PHLPP2: variants seen among roughly 807,000 people sequenced by gnomAD.
PHLPP2 encodes the protein PH domain and leucine rich repeat protein phosphatase 2, also known as PH domain leucine-rich repeat-containing protein phosphatase 2.
Under a neutral mutation model 124.9 loss-of-function variants are expected in PHLPP2, and 66 were observed. That is an observed-to-expected ratio of 0.53 (90% CI 0.43 to 0.65). PHLPP2 has a LOEUF of 0.65. Among genes scored for constraint, PHLPP2 ranks in the 30% least tolerant of loss-of-function variants. The probability of loss-of-function intolerance (pLI) is 0.00; values close to 1 mark genes in which losing one functional copy is unlikely to be tolerated. For synonymous variants in PHLPP2, 681 were observed against 624.7 expected (o/e 1.09, Z -1.34); for missense variants, 1,685 against 1,600.4 (o/e 1.05, Z -0.90).
intron 16 of PHLPP2, among the ~76,000 whole-genome samples, chr16:71,655,677 G>C (rs949758463): frequency 6.6e-6 from 1 of 151,782 alleles, no homozygotes; most frequent in African/African-American, 2.4e-5. Flanking sequence ...TAATTTTTTT[G>C]TATTTTTAGT....
chr16:71,698,788 T>C, intron 3 of PHLPP2: 1 of 241,602 alleles, frequency 4.1e-6, no homozygotes, highest in Non-Finnish European at 8.4e-6. Context: ...ACAGCTTTTA[T>C]ATCATGAATT....
chr16:71,651,666 G>T (rs1410139282), intron 18 of PHLPP2, among the ~76,000 whole-genome samples: 1 of 152,098 alleles, frequency 6.6e-6, no homozygotes, highest in Non-Finnish European at 1.5e-5. Context: ...ACATAAAAAT[G>T]ATGGTTTTTG....
At position 71,689,530 on chromosome 16, in the gene PHLPP2, T is replaced by C. The variant is rs182641347; in HGVS notation, c.609+989A>G. Reference sequence around the variant, plus strand: ...GCCTCAGCCTCCCAAGTAACTGGGATTACAGGCACCCACCACCATGCCCAG... The same window carrying C: ...GCCTCAGCCTCCCAAGTAACTGGGACTACAGGCACCCACCACCATGCCCAG... On this transcript the variant is annotated intron_variant, in intron 4 of 18. Transcript: ENST00000568954. Among the ~76,000 whole-genome samples, 55 of 151,928 alleles carry C rather than the reference T, an allele frequency of 3.6e-4. No homozygotes were observed. In the Middle Eastern group the frequency reaches 0.031, roughly 85 times the overall value.
rs1313873769 is a variant in PHLPP2, at chr16:71,697,213, A to AT, written c.418+5384_418+5385insA. Among the ~76,000 whole-genome samples, 14 of 20,346 alleles carry AT rather than the reference A, an allele frequency of 6.9e-4. No individual in the cohort carries two copies. The Admixed American group carries it at 7.8e-3, about 11-fold the overall frequency. 13.3% of individuals were successfully genotyped at this position (20,346 alleles called of 152,430 possible). A position where few individuals can be genotyped will look rare whatever the true frequency, so the allele number is the denominator to read the frequency against. ...AAATAAATAAATAAATAAATAAATA[A>AT]ATAAAAAGAAACTCAGGGTCTGCAA... is the stretch of plus-strand genomic sequence containing the variant. On this transcript the variant is annotated intron_variant, in intron 3 of 18. Transcript: ENST00000568954.
rs560959321 is a variant in PHLPP2, at chr16:71,662,118, G to A, written c.1985+1781C>T. Among the ~76,000 whole-genome samples the A allele has an allele frequency of 7.9e-4, 119 of 151,068 alleles. 1 individual carries two copies. The highest frequency in any genetic ancestry group is 2.7e-3 in the African/African-American group (113 of 41,238). Reference sequence around the variant, plus strand: ...ATTACAGGCATGAGCGGCCACGCCCGGCCTCTACAAGTAAAAGGTTAGTCG... The same window carrying A: ...ATTACAGGCATGAGCGGCCACGCCCAGCCTCTACAAGTAAAAGGTTAGTCG... On this transcript the variant is annotated intron_variant, in intron 13 of 18. Transcript: ENST00000568954.
rs764697629 is a variant in PHLPP2 at position 71,652,839 on chromosome 16, T to A, written c.2768A>T (p.Asp923Val). ...PLSKVFSLEQDPEEAQRVKDQ... is the reference protein window; with the variant it reads ...PLSKVFSLEQVPEEAQRVKDQ... ...CTTCACCCTTTGAGCCTCCTCTGGG[T>A]CCTGCTCCAGGCTGAAGACTTTAGA... The change falls in exon 18 of 19, where the codon GAC becomes GTC. Residue 923 changes from aspartate (D) to valine (V), a missense_variant. Transcript: ENST00000568954. The A allele has an allele frequency of 3.1e-6, 5 of 1,614,158 alleles. No individual in the cohort carries two copies. The highest frequency in any genetic ancestry group is 4.2e-6 in the Non-Finnish European group (5 of 1,180,022).
chr16:71,692,227 G>A (rs1259825445), intron 3 of PHLPP2, among the ~76,000 whole-genome samples: 4 of 151,946 alleles, frequency 2.6e-5, no homozygotes, highest in Admixed American at 1.3e-4. Context: ...CCGCCAACAC[G>A]CCCGGCTAAT....
chr16:71,665,957 A>T (rs2044836288), intron 12 of PHLPP2: 1 of 152,244 alleles, frequency 6.6e-6, no homozygotes, highest in Admixed American at 6.5e-5. Flanking sequence ...AACAAGCCAG[A>T]CAACTGTGGG....
intron 3 of PHLPP2, among the ~76,000 whole-genome samples, chr16:71,697,892 G>C (rs2145363769): frequency 7.0e-6 from 1 of 142,468 alleles, no homozygotes; most frequent in Admixed American, 7.6e-5. Context: ...CTGTCGCCCA[G>C]GCTGGAGTGC....
intron 2 of PHLPP2, among the ~76,000 whole-genome samples, chr16:71,712,543 T>C (rs1265474094): frequency 6.6e-6 from 1 of 152,160 alleles, no homozygotes; most frequent in Non-Finnish European, 1.5e-5. Flanking sequence ...CTACCAGATA[T>C]AATATAGGTC....
chr16:71,718,148 C>T (rs886479285), intron 1 of PHLPP2, among the ~76,000 whole-genome samples: 13 of 152,130 alleles, frequency 8.5e-5, no homozygotes, highest in Non-Finnish European at 1.8e-4. Context: ...CTGCTTGGGC[C>T]TTCCAAAGTG....
At position 71,655,408 on chromosome 16, in the gene PHLPP2, T is replaced by A; in HGVS notation, c.2417A>T (p.Asp806Val). 1 of 1,613,762 alleles carries A rather than the reference T, an allele frequency of 6.2e-7. No homozygotes were observed. ...AGCTCCCACCCCCTCTGCAAAGCTA[T>A]CCATAGCAAGTGCTGAGACACACAG... ...NKLCVSALAM[D>V]SFAEGVGAVY... is the part of the protein sequence containing the mutation. The change falls in exon 17 of 19, where the codon GAT (aspartate) becomes GTT (valine). Residue 806 changes from aspartate (D) to valine (V), a missense_variant. Asp to Val is a radical substitution (Grantham distance 152, BLOSUM62 -3). Transcript: ENST00000568954.
At chr16:71,688,068 T>C (rs762538563) in intron 4 of PHLPP2, among the ~76,000 whole-genome samples, 5 of 152,200 alleles carry the variant, frequency 3.3e-5, no homozygotes, top group Non-Finnish European at 4.4e-5. Context: ...TGCCAACTCA[T>C]AGTCATCGTA....
At chr16:71,705,716 T>C (rs1368694875) in intron 2 of PHLPP2, among the ~76,000 whole-genome samples, 2 of 152,186 alleles carry the variant, frequency 1.3e-5, no homozygotes, top group Non-Finnish European at 2.9e-5. Context: ...TTTATCATAC[T>C]GGCCAGGCTG....
intron 2 of PHLPP2, among the ~76,000 whole-genome samples, chr16:71,710,985 T>G (rs2045319992): frequency 6.6e-6 from 1 of 151,630 alleles, no homozygotes; most frequent in Non-Finnish European, 1.5e-5. Context: ...AGAGGAATAT[T>G]CTGTAACTAT....
chr16:71,661,918 G>T (rs2044795267), intron 13 of PHLPP2, among the ~76,000 whole-genome samples: 1 of 151,704 alleles, frequency 6.6e-6, no homozygotes, highest in Non-Finnish European at 1.5e-5. Context: ...CTGCCTCCGG[G>T]GTTCAAGCGA....
At chr16:71,667,081 C>A in intron 12 of PHLPP2, 97 bp downstream of exon 12, 1 of 1,043,284 alleles carries the variant, frequency 9.6e-7, no homozygotes, top group South Asian at 1.7e-5. Flanking sequence ...GGTAAACGCT[C>A]TGTAAATACA....
intron 18 of PHLPP2, among the ~76,000 whole-genome samples, chr16:71,650,389 G>C (rs970819844): frequency 6.6e-6 from 1 of 152,124 alleles, no homozygotes; most frequent in Non-Finnish European, 1.5e-5. Context: ...TCTATCACTA[G>C]TACTCTCAGA....
intron 1 of PHLPP2, among the ~76,000 whole-genome samples, chr16:71,720,952 C>A (rs918145260): frequency 2.6e-5 from 4 of 151,704 alleles, no homozygotes; most frequent in African/African-American, 9.7e-5. Flanking sequence ...AATATAGACT[C>A]ATATCTGGGA....
Sources: gnomAD v4.1 joint callset for allele counts (sites outside exome capture counted in the v4.1 genomes callset) on GRCh38, gnomAD v4.1.1 for gene constraint, MANE v1.5 for transcripts, NCBI Gene and HGNC (gene_info 2026-07-23, HGNC 2026-07-21) for gene names.